Variants in TEAD1 observed in about 807,000 individuals in gnomAD.
The protein encoded by TEAD1 is transcriptional enhancer factor TEF-1.
TEAD1 carries 9 observed loss-of-function variants against 54.9 expected under a neutral mutation model. That is an observed-to-expected ratio of 0.16 (90% CI 0.10 to 0.29). The LOEUF is 0.29. TEAD1 is among the 10% of genes least tolerant of loss of function. The pLI is 1.00. For missense variants in TEAD1, 387 were observed against 535.9 expected (o/e 0.72, Z 2.74); for synonymous variants, 200 against 187.8 (o/e 1.07, Z -0.53).
chr11:12,803,031 T>C (rs1223104531), intron 3 of TEAD1, among the ~76,000 whole-genome samples: 4 of 152,056 alleles, frequency 2.6e-5, no homozygotes, highest in Non-Finnish European at 5.9e-5. Context: ...GAGACTTCTC[T>C]CTACCCAGCC....
chr11:12,743,454 C>G, intron 2 of TEAD1, among the ~76,000 whole-genome samples: 1 of 152,240 alleles, frequency 6.6e-6, no homozygotes, highest in Middle Eastern at 3.4e-3. Flanking sequence ...AAGCAGATAG[C>G]TTTTATCCTT....
intron 10 of TEAD1, among the ~76,000 whole-genome samples, chr11:12,907,770 G>A (rs1359534986): frequency 6.6e-6 from 1 of 152,204 alleles, no homozygotes; most frequent in Non-Finnish European, 1.5e-5. Flanking sequence ...ACCATACAAA[G>A]GCAAAGTGAC....
intron 3 of TEAD1, among the ~76,000 whole-genome samples, chr11:12,817,914 G>C (rs1946449306): frequency 6.6e-6 from 1 of 152,216 alleles, no homozygotes; most frequent in Non-Finnish European, 1.5e-5. Context: ...ATTTATACTG[G>C]AGAGGTTTCT....
At chr11:12,789,374 G>A (rs1048245314) in intron 3 of TEAD1, among the ~76,000 whole-genome samples, 4 of 152,040 alleles carry the variant, frequency 2.6e-5, no homozygotes, top group Non-Finnish European at 5.9e-5. Context: ...TATTATTTTT[G>A]CTATATTCAT....
intron 2 of TEAD1, among the ~76,000 whole-genome samples, chr11:12,745,436 C>G (rs1198286073): frequency 6.6e-6 from 1 of 152,120 alleles, no homozygotes; most frequent in Admixed American, 6.5e-5. Context: ...TCACACTCCA[C>G]TGGTGATAAG....
chr11:12,690,771 T>C (rs1943441799), intron 2 of TEAD1, among the ~76,000 whole-genome samples: 1 of 152,232 alleles, frequency 6.6e-6, no homozygotes, highest in South Asian at 2.1e-4. Flanking sequence ...GTTCTGTTTT[T>C]GGAGACAGGT....
chr11:12,887,021 C>G (rs1260387994), intron 9 of TEAD1, among the ~76,000 whole-genome samples: 1 of 151,422 alleles, frequency 6.6e-6, no homozygotes, highest in Non-Finnish European at 1.5e-5. Context: ...GTTACAAACA[C>G]TCATTCTTCA....
intron 2 of TEAD1, among the ~76,000 whole-genome samples, chr11:12,740,760 C>G (rs978376070): frequency 4.6e-5 from 7 of 152,098 alleles, no homozygotes; most frequent in Admixed American, 6.5e-5. Context: ...CACCAGGTCA[C>G]TCCCACGACA....
chr11:12,683,504 G>A (rs955861440), intron 2 of TEAD1, among the ~76,000 whole-genome samples: 1 of 152,168 alleles, frequency 6.6e-6, no homozygotes, highest in South Asian at 2.1e-4. Flanking sequence ...TGATACATCC[G>A]AAGAGCTGTG....
intron 3 of TEAD1, among the ~76,000 whole-genome samples, chr11:12,779,035 A>G (rs1945490385): frequency 1.3e-5 from 2 of 152,174 alleles, no homozygotes; most frequent in Admixed American, 1.3e-4. Flanking sequence ...TTAGTCTTTG[A>G]CCATTTCTTT....
chr11:12,804,555 G>T (rs1946128948), intron 3 of TEAD1, among the ~76,000 whole-genome samples: 1 of 152,234 alleles, frequency 6.6e-6, no homozygotes, highest in Non-Finnish European at 1.5e-5. Context: ...ACAAACATGT[G>T]TTGTAATGGG....
intron 5 of TEAD1, chr11:12,878,813 T>C (rs902862178): frequency 1.8e-4 from 173 of 941,866 alleles, no homozygotes; most frequent in South Asian, 4.7e-4. Flanking sequence ...ATATATATGT[T>C]TTTTTTTTAA....
intron 4 of TEAD1, 92 bp from the exon 5 acceptor site, chr11:12,864,746 A>C (rs1489860770): frequency 2.5e-6 from 4 of 1,611,224 alleles, no homozygotes; most frequent in Non-Finnish European, 3.4e-6. Context: ...AGCCGCCATT[A>C]AGGTACGTCT....
chr11:12,937,300 G>A lies in TEAD1; in HGVS notation c.*78G>A, dbSNP rs145091225. 2.3e-3 allele frequency: 2,779 copies of A among 1,226,940 alleles called. 10 individuals are homozygous for A. The highest frequency in any genetic ancestry group is 7.4e-3 in the East Asian group (289 of 39,176). The allele number at this position is 1,226,940 out of a possible 1,614,324, so 76.0% of individuals were successfully genotyped here. A position where few individuals can be genotyped will look rare whatever the true frequency, so the allele number is the denominator to read the frequency against. On this transcript the variant is annotated 3_prime_UTR_variant, in exon 13 of 13. Coordinates refer to ENST00000527636, the MANE Select transcript of TEAD1 (RefSeq NM_021961.6). Reference sequence around the variant, plus strand: ...ACACACACACTCTCTCTCCATTATCGAACGACTGACTGTAAACCTCACCAC... The same window carrying A: ...ACACACACACTCTCTCTCCATTATCAAACGACTGACTGTAAACCTCACCAC...
At chr11:12,898,640 C>T (rs1483740414) in intron 9 of TEAD1, among the ~76,000 whole-genome samples, 1 of 152,112 alleles carries the variant, frequency 6.6e-6, no homozygotes, top group Non-Finnish European at 1.5e-5. Flanking sequence ...AGTGATCCAC[C>T]CTCCTCAGCC....
At chr11:12,816,211 A>G (rs1182201092) in intron 3 of TEAD1, among the ~76,000 whole-genome samples, 2 of 152,124 alleles carry the variant, frequency 1.3e-5, no homozygotes, top group African/African-American at 4.8e-5. Context: ...TCCCACTTTG[A>G]GGCTGGATGA....
intron 3 of TEAD1, among the ~76,000 whole-genome samples, chr11:12,787,379 G>T (rs1046427733): frequency 1.4e-4 from 21 of 152,124 alleles, no homozygotes; most frequent in African/African-American, 5.1e-4. Context: ...TGTATGATGC[G>T]CCTGGTTTAA....
chr11:12,822,048 C>G (rs1946562829), intron 3 of TEAD1, among the ~76,000 whole-genome samples: 2 of 143,646 alleles, frequency 1.4e-5, no homozygotes, highest in South Asian at 4.6e-4. Flanking sequence ...ACTGCAAGCT[C>G]CGCCTCCCAG....
rs1590088000 is a variant in TEAD1, at chr11:12,725,619, A to C, written c.-54-38560A>C. ...AAAGTATTACGTATCAGTTAAAAAAAAAATTAAAAAATATGTGAGTGAATA... is the reference window on the plus strand; with the variant it reads ...AAAGTATTACGTATCAGTTAAAAAACAAATTAAAAAATATGTGAGTGAATA... On this transcript the variant is annotated intron_variant, in intron 2 of 12. Coordinates refer to ENST00000527636, the MANE Select transcript of TEAD1 (RefSeq NM_021961.6). Among the ~76,000 whole-genome samples, 4 of 152,360 alleles carry C rather than the reference A, an allele frequency of 2.6e-5. No individual in the cohort carries two copies. In the South Asian group the frequency reaches 8.3e-4, roughly 32 times the overall value.
Sources: gnomAD v4.1 joint callset for allele counts (sites outside exome capture counted in the v4.1 genomes callset) on GRCh38, gnomAD v4.1.1 for gene constraint, MANE v1.5 for transcripts, NCBI Gene and HGNC (gene_info 2026-07-23, HGNC 2026-07-21) for gene names.